Variants in MTCL1 observed in about 807,000 individuals in gnomAD.
The protein encoded by MTCL1 is microtubule crosslinking factor 1.
In MTCL1, 79 loss-of-function variants were observed where a neutral mutation model predicts 141.4. That is an observed-to-expected ratio of 0.56 (90% CI 0.47 to 0.67). The LOEUF is 0.67. Ranked by LOEUF, MTCL1 falls within the 30% of genes least tolerant of loss-of-function variation. MTCL1 has a pLI of 0.00. For synonymous variants in MTCL1, 914 were observed against 875.8 expected, an observed-to-expected ratio of 1.04 and a Z score of -0.77; for missense variants, 2,177 against 2,113.9, an observed-to-expected ratio of 1.03 and a Z score of -0.59.
At chr18:8,765,876 CAG>C (rs1472616952) in intron 4 of MTCL1, among the ~76,000 whole-genome samples, 11 of 152,178 alleles carry the variant, frequency 7.2e-5, no homozygotes, top group African/African-American at 2.7e-4. Context: ...TTCCAGCAAA[CAG>C]AGCTCCCTGA....
intron 4 of MTCL1, among the ~76,000 whole-genome samples, chr18:8,758,687 T>G (rs1050442672): frequency 2.0e-5 from 3 of 152,208 alleles, no homozygotes; most frequent in Admixed American, 1.3e-4. Context: ...TTTGTACTTA[T>G]CCCATATTTG....
intron 4 of MTCL1, among the ~76,000 whole-genome samples, chr18:8,744,255 G>A (rs1056489765): frequency 3.3e-5 from 5 of 152,326 alleles, no homozygotes; most frequent in East Asian, 1.9e-4. Context: ...CCGGTTTCCC[G>A]GCTGGCATTC....
intron 4 of MTCL1, among the ~76,000 whole-genome samples, chr18:8,740,117 G>C (rs1458040346): frequency 6.6e-6 from 1 of 152,240 alleles, no homozygotes; most frequent in Non-Finnish European, 1.5e-5. Flanking sequence ...CCTTGTAAAA[G>C]ATGTTAATGT....
intron 4 of MTCL1, among the ~76,000 whole-genome samples, chr18:8,773,641 CT>C (rs1002589605): frequency 1.3e-5 from 2 of 151,962 alleles, no homozygotes; most frequent in South Asian, 4.2e-4. Context: ...ATCAATTCAT[CT>C]TTTTTTTCTC....
chr18:8,813,380 T>G, intron 12 of MTCL1, 147 bp downstream of exon 11: 71 of 942,500 alleles, frequency 7.5e-5, no homozygotes, highest in Non-Finnish European at 9.4e-5. Context: ...AATTCTAGAA[T>G]TGCTTGTGTT....
intron 1 of MTCL1, among the ~76,000 whole-genome samples, chr18:8,708,350 ATTTCC>A (rs1276312958): frequency 4.6e-5 from 7 of 152,166 alleles, no homozygotes; most frequent in Non-Finnish European, 1.0e-4. Flanking sequence ...GCAACTGGTT[ATTTCC>A]TTTATTTTTT....
intron 4 of MTCL1, among the ~76,000 whole-genome samples, chr18:8,725,993 A>G (rs774190871): frequency 1.3e-5 from 2 of 151,578 alleles, no homozygotes; most frequent in African/African-American, 2.4e-5. Flanking sequence ...GGGTTTCACC[A>G]TGTTAGCCAG....
intron 7 of MTCL1, chr18:8,789,426 A>G: frequency 1.0e-6 from 1 of 985,472 alleles, no homozygotes; most frequent in Non-Finnish European, 1.2e-6. Context: ...GGCCATGAAA[A>G]GCCTTCCTTT....
chr18:8,784,189 C>T (rs1043623677), exon 6 of MTCL1: 15 of 1,613,810 alleles, frequency 9.3e-6, no homozygotes, highest in Non-Finnish European at 1.3e-5. Context: ...AGCACGAGAA[C>T]CACGCGCTGC....
At chr18:8,710,270 G>A (rs1003075937) in intron 1 of MTCL1, among the ~76,000 whole-genome samples, 2 of 152,178 alleles carry the variant, frequency 1.3e-5, no homozygotes, top group African/African-American at 2.4e-5. Flanking sequence ...AATGGTGCCT[G>A]GGTGACTAGG....
intron 4 of MTCL1, among the ~76,000 whole-genome samples, chr18:8,734,832 G>A (rs1024566206): frequency 6.6e-6 from 1 of 152,180 alleles, no homozygotes; most frequent in Non-Finnish European, 1.5e-5. Context: ...CCCTGGGGGT[G>A]GTGACCCAGG....
At position 8,830,400 on chromosome 18, in the gene MTCL1, C is replaced by T. The variant is rs2077159668; in HGVS notation, c.*19-1207C>T. 5 of 985,584 alleles carry T rather than the reference C, an allele frequency of 5.1e-6. No homozygotes were observed. The highest frequency in any genetic ancestry group is 6.0e-6 in the Non-Finnish European group (5 of 830,046). The allele number at this position is 985,584 out of a possible 1,614,324, so 61.1% of individuals were successfully genotyped here. A position where few individuals can be genotyped will look rare whatever the true frequency, so the allele number is the denominator to read the frequency against. On this transcript the variant is annotated intron_variant, in intron 16 of 16. Transcript: ENST00000359865. This position sits in a 1 kb window ranked among gnomAD's most constrained non-coding sequence, Gnocchi z 6.4. ...CTGACCCCAGAGGGAGGCAGGGAAACCGCTCGCCCCATTGCTCTTCTGGAA... is the reference window on the plus strand; with the variant it reads ...CTGACCCCAGAGGGAGGCAGGGAAATCGCTCGCCCCATTGCTCTTCTGGAA...
At chr18:8,802,463 A>T (rs2076154744) in intron 10 of MTCL1, among the ~76,000 whole-genome samples, 1 of 152,230 alleles carries the variant, frequency 6.6e-6, no homozygotes, top group Non-Finnish European at 1.5e-5. Flanking sequence ...TCACCTGCTG[A>T]AATCTTAGAA....
At chr18:8,805,790 G>T (rs753868850) in intron 10 of MTCL1, among the ~76,000 whole-genome samples, 1 of 152,180 alleles carries the variant, frequency 6.6e-6, no homozygotes, top group African/African-American at 2.4e-5. Flanking sequence ...CCCTGAGACC[G>T]CCCTGAGAGC....
chr18:8,822,366 C>G lies in MTCL1; in HGVS notation c.3188+868C>G, dbSNP rs935248382. ...CTGGAGTACAGTGGCACAATCTTGG[C>G]TCACTGCAACCTCTGCCCCCTGGGT... On this transcript the variant is annotated intron_variant, in intron 14 of 16. Transcript: ENST00000359865. The surrounding 1 kb of genome is among the most constrained non-coding windows in gnomAD (Gnocchi z 4.6). Among the ~76,000 whole-genome samples the G allele has an allele frequency of 6.6e-6, 1 of 152,184 alleles. No homozygotes were observed. Among genetic ancestry groups the G allele is most frequent in the Non-Finnish European group, 1.5e-5 (1 of 68,032 alleles).
chr18:8,786,637 G>A (rs2096557076), intron 7 of MTCL1: 1 of 310,196 alleles, frequency 3.2e-6, no homozygotes, highest in African/African-American at 2.2e-5. Flanking sequence ...CAAGGCTTCA[G>A]CCACCACAGA....
chr18:8,831,820 T>C, exon 17 of MTCL1: 2 of 1,549,914 alleles, frequency 1.3e-6, no homozygotes, highest in Non-Finnish European at 8.7e-7. Flanking sequence ...GCATGGATTA[T>C]CACAGTATAA....
intron 1 of MTCL1, among the ~76,000 whole-genome samples, chr18:8,709,758 C>A (rs1194826482): frequency 2.6e-5 from 4 of 152,148 alleles, no homozygotes; most frequent in Non-Finnish European, 5.9e-5. Context: ...TCCAGCAAAA[C>A]CTTAGGAGGA....
chr18:8,758,020 C>CTT (rs1162855433), intron 4 of MTCL1, among the ~76,000 whole-genome samples: 22 of 126,862 alleles, frequency 1.7e-4, no homozygotes, highest in Admixed American at 3.2e-4. Flanking sequence ...AGCACCCAGT[C>CTT]TTTTTTTTTT....
Sources: gnomAD v4.1 joint callset for allele counts (sites outside exome capture counted in the v4.1 genomes callset) on GRCh38, gnomAD v4.1.1 for gene constraint, Gnocchi (gnomAD v3.1) non-coding constraint, MANE v1.5 for transcripts, NCBI Gene and HGNC (gene_info 2026-07-23, HGNC 2026-07-21) for gene names.